The following ZNF135 variants were observed in gnomAD, a reference collection of about 807,000 sequenced individuals.
ZNF135 encodes zinc finger protein 135, also known as zinc finger protein 135 (clone pHZ-17).
ZNF135 carries 11 observed loss-of-function variants against 12.3 expected under a neutral mutation model. The observed-to-expected ratio is 0.89, with a 90% CI of 0.56 to 1.48. The LOEUF is 1.48. ZNF135 is among the 40% of genes most tolerant of loss of function. The pLI is 0.00. For missense variants in ZNF135, 722 were observed against 815.7 expected (o/e 0.89, Z 1.40); for synonymous variants, 316 against 312.0 (o/e 1.01, Z -0.14).
At position 58,067,814 on chromosome 19, in the gene ZNF135, G is replaced by C; in HGVS notation, c.1330G>C (p.Gly444Arg). The change falls in exon 5 of 5, where the codon GGG becomes CGG. Residue 444 changes from glycine (G) to arginine (R), a missense_variant. Transcript: ENST00000313434. ...GAAGCCCTATGGATGCAACGAGTGT[G>C]GGAAAACCTTCAGCCACAGCTCCTC... ...GEKPYGCNEC[G>R]KTFSHSSSLS... 6.2e-7 allele frequency: 1 copy of C among 1,613,824 alleles called. No individual in the cohort carries two copies. The highest frequency in any genetic ancestry group is 8.5e-7 in the Non-Finnish European group (1 of 1,179,976).
At position 58,059,885 on chromosome 19, in the gene ZNF135, C is replaced by A; in HGVS notation, c.-34-84C>A. Reference sequence around the variant, plus strand: ...CCCTGGACGGCTCTCCGCGGAGCTCCCCAGGCTCTGGCGCAGTTCCCCGGC... The same window carrying A: ...CCCTGGACGGCTCTCCGCGGAGCTCACCAGGCTCTGGCGCAGTTCCCCGGC... On this transcript the variant is annotated intron_variant, in intron 1 of 4. Coordinates refer to ENST00000313434, the MANE Select transcript of ZNF135 (RefSeq NM_001289401.2). The surrounding 1 kb of genome is among the most constrained non-coding windows in gnomAD (Gnocchi z 6.5). 6.5e-7 allele frequency: 1 copy of A among 1,541,840 alleles called. No homozygotes were observed.
chr19:58,062,890 T>C (rs2074005315), intron 3 of ZNF135, among the ~76,000 whole-genome samples: 1 of 151,866 alleles, frequency 6.6e-6, no homozygotes, highest in Non-Finnish European at 1.5e-5. Flanking sequence ...GGGTCCTTGC[T>C]GTGTTGCCCA....
At chr19:58,064,432 C>G (rs11672379) in intron 4 of ZNF135, among the ~76,000 whole-genome samples, 41,256 of 151,990 alleles carry the variant, frequency 0.27, 5,635 homozygotes, top group African/African-American at 0.28. Context: ...ACTCCTCAGC[C>G]TACTCACTGT....
intron 4 of ZNF135, among the ~76,000 whole-genome samples, chr19:58,064,148 G>T (rs1229848232): frequency 2.0e-5 from 3 of 152,196 alleles, no homozygotes; most frequent in Admixed American, 2.0e-4. Context: ...AGGTATCCCA[G>T]CCCACTGACA....
In ZNF135 at chr19:58,060,155, T is replaced by C; in HGVS notation, c.33+120T>C. ...TCCCTACTCGCGCTCAGCCTCCTCC[T>C]TGTGCCCGGCCCCTACTTGCGTGCC... On this transcript the variant is annotated intron_variant, in intron 2 of 4. Transcript: ENST00000313434. This position sits in a 1 kb window ranked among gnomAD's most constrained non-coding sequence, Gnocchi z 4.9. 1 of 1,559,136 alleles carries C rather than the reference T, an allele frequency of 6.4e-7. No individual in the cohort carries two copies. The highest frequency in any genetic ancestry group is 8.6e-7 in the Non-Finnish European group (1 of 1,158,900).
rs552908818 is a variant in ZNF135, at chr19:58,061,696, G to C, written c.150G>C (p.Leu50=). Residue 50 remains leucine (L), a synonymous_variant, in exon 3 of 5, where the codon CTG becomes CTC. Transcript: ENST00000313434. The part of the protein sequence containing the change: ...RDVMLDTFRL[L]VSVGHWLPKP... The stretch of plus-strand genomic sequence containing the variant: ...TAATGCTGGACACCTTCAGGCTTCT[G>C]GTCTCTGTGGGTAAGGCCACACCCA... 1 of 1,612,462 alleles carries C rather than the reference G, an allele frequency of 6.2e-7. No homozygotes were observed.
In ZNF135 at chr19:58,065,765, G is replaced by A. The variant is rs945157569; in HGVS notation, c.257-976G>A. ...TAATTGGAAACATACAGGTTATAGGGTTAGGATGTGGGCATCTTGGGAAGC... is the reference window on the plus strand; with the variant it reads ...TAATTGGAAACATACAGGTTATAGGATTAGGATGTGGGCATCTTGGGAAGC... On this transcript the variant is annotated intron_variant, in intron 4 of 4. Coordinates refer to ENST00000313434, the MANE Select transcript of ZNF135 (RefSeq NM_001289401.2). This position sits in a 1 kb window ranked among gnomAD's most constrained non-coding sequence, Gnocchi z 4.0. Among the ~76,000 whole-genome samples, 43 of 151,618 alleles carry A rather than the reference G, an allele frequency of 2.8e-4. No individual in the cohort carries two copies. The highest frequency in any genetic ancestry group is 9.8e-4 in the Admixed American group (15 of 15,248).
chr19:58,063,569 A>T lies in ZNF135; in HGVS notation c.256+28A>T, dbSNP rs1208447488. 1.9e-6 allele frequency: 3 copies of T among 1,613,406 alleles called. No individual in the cohort carries two copies. Among genetic ancestry groups the T allele is most frequent in the Non-Finnish European group, 2.5e-6 (3 of 1,179,668 alleles). On this transcript the variant is annotated intron_variant, in intron 4 of 4. Coordinates refer to ENST00000313434, the MANE Select transcript of ZNF135 (RefSeq NM_001289401.2). This position sits in a 1 kb window ranked among gnomAD's most constrained non-coding sequence, Gnocchi z 4.4. The stretch of plus-strand genomic sequence containing the variant: ...GAGATGGGAGCCCTTCGGGGCAGAG[A>T]GAAGCCTGTCCATGCTTGCTTCCTG...
At chr19:58,064,416 CCTCCTA>C (rs1342748880) in intron 4 of ZNF135, among the ~76,000 whole-genome samples, 3 of 152,092 alleles carry the variant, frequency 2.0e-5, no homozygotes, top group Non-Finnish European at 4.4e-5. Context: ...ACCAACCCCT[CCTCCTA>C]CTCCTCAGCC....
At chr19:58,064,201 C>T (rs2074029842) in intron 4 of ZNF135, among the ~76,000 whole-genome samples, 1 of 152,128 alleles carries the variant, frequency 6.6e-6, no homozygotes, top group South Asian at 2.1e-4. Flanking sequence ...TGGCCTGTCA[C>T]CAGAGTCCAG....
rs191346327 is a variant in ZNF135 at position 58,060,301 on chromosome 19, G to C, written c.33+266G>C. On this transcript the variant is annotated intron_variant, in intron 2 of 4. Coordinates refer to ENST00000313434, the MANE Select transcript of ZNF135 (RefSeq NM_001289401.2). This position sits in a 1 kb window ranked among gnomAD's most constrained non-coding sequence, Gnocchi z 4.9. ...CTATTTGCACATCTAGCCTCTACTC[G>C]TGTCCGGCCTCTACCTGCACACCCG... The C allele has an allele frequency of 7.3e-6, 10 of 1,369,478 alleles. No individual in the cohort carries two copies. The South Asian group carries it at 1.4e-4, about 19-fold the overall frequency. The allele number at this position is 1,369,478 out of a possible 1,614,324, so 84.8% of individuals were successfully genotyped here. A position where few individuals can be genotyped will look rare whatever the true frequency, so the allele number is the denominator to read the frequency against.
chr19:58,065,647 C>T lies in ZNF135; in HGVS notation c.257-1094C>T, dbSNP rs142043802. Among the ~76,000 whole-genome samples the T allele has an allele frequency of 1.8e-3, 272 of 152,252 alleles. No individual in the cohort carries two copies. The highest frequency in any genetic ancestry group is 6.4e-3 in the African/African-American group (267 of 41,544). On this transcript the variant is annotated intron_variant, in intron 4 of 4. Coordinates refer to ENST00000313434, the MANE Select transcript of ZNF135 (RefSeq NM_001289401.2). This position sits in a 1 kb window ranked among gnomAD's most constrained non-coding sequence, Gnocchi z 4.0. ...TCTGCCTTTTTTCCCCATTTAAGGACCCTCGTGATTACACAGGTCCACCCA... is the reference window on the plus strand; with the variant it reads ...TCTGCCTTTTTTCCCCATTTAAGGATCCTCGTGATTACACAGGTCCACCCA...
rs557511826 is a variant in ZNF135 at position 58,063,014 on chromosome 19, T to A, written c.161-432T>A. Among the ~76,000 whole-genome samples, 20 of 152,276 alleles carry A rather than the reference T, an allele frequency of 1.3e-4. No individual in the cohort carries two copies. In the South Asian group the frequency reaches 3.9e-3, roughly 30 times the overall value. ...CCTGAATTTTAGGGGGACACCAACA[T>A]TCAGACCATAGCAATCTCTTTCTGG... On this transcript the variant is annotated intron_variant, in intron 3 of 4. Coordinates refer to ENST00000313434, the MANE Select transcript of ZNF135 (RefSeq NM_001289401.2). The surrounding 1 kb of genome is among the most constrained non-coding windows in gnomAD (Gnocchi z 4.4).
At chr19:58,061,111 A>G (rs992516855) in intron 2 of ZNF135, among the ~76,000 whole-genome samples, 3 of 142,944 alleles carry the variant, frequency 2.1e-5, no homozygotes, top group Non-Finnish European at 4.6e-5. Context: ...CTGGGCGACA[A>G]AGCGAGACTC....
At chr19:58,066,052 G>C (rs1033953328) in intron 4 of ZNF135, among the ~76,000 whole-genome samples, 5 of 152,178 alleles carry the variant, frequency 3.3e-5, no homozygotes, top group African/African-American at 1.2e-4. Context: ...GTGGGCTATA[G>C]ATACAGTGGT....
intron 3 of ZNF135, among the ~76,000 whole-genome samples, chr19:58,062,231 T>C (rs1599922999): frequency 6.6e-6 from 1 of 152,198 alleles, no homozygotes; most frequent in Non-Finnish European, 1.5e-5. Flanking sequence ...AAGGGAGTTA[T>C]CTCAAGCTTC....
Position 58,063,526 on chromosome 19 carries a change from C to A in ZNF135, c.241C>A (p.Gln81Lys). The A allele has an allele frequency of 6.2e-7, 1 of 1,614,110 alleles. No homozygotes were observed. Among genetic ancestry groups the A allele is most frequent in the South Asian group, 1.1e-5 (1 of 91,086 alleles). Residue 81 changes from glutamine to lysine, a missense_variant, in exon 4 of 5, where the codon CAA becomes AAA. Gln to Lys is a moderately conservative substitution (Grantham distance 53). Coordinates refer to ENST00000313434, the MANE Select transcript of ZNF135 (RefSeq NM_001289401.2). The surrounding 1 kb of genome is among the most constrained non-coding windows in gnomAD (Gnocchi z 4.4). ...ELWAVESRLPQGVYPDLETRP... is the reference protein window; with the variant it reads ...ELWAVESRLPKGVYPDLETRP... ...GTGGGCGGTGGAGTCTAGACTTCCC[C>A]AAGGCGTGTACCCAGGTGAGATGGG...
In ZNF135 at chr19:58,061,474, C is replaced by T. The variant is rs957505712; in HGVS notation, c.34-106C>T. ...GAAAAACCTGACCCAAAACCCCAGA[C>T]CAAAGGGAACTCCATCCGACCCAGC... On this transcript the variant is annotated intron_variant, in intron 2 of 4. Coordinates refer to ENST00000313434, the MANE Select transcript of ZNF135 (RefSeq NM_001289401.2). 21 of 1,447,954 alleles carry T rather than the reference C, an allele frequency of 1.5e-5. No individual in the cohort carries two copies. The African/African-American group carries it at 2.7e-4, about 19-fold the overall frequency. 89.7% of individuals were successfully genotyped at this position (1,447,954 alleles called of 1,614,324 possible). A position where few individuals can be genotyped will look rare whatever the true frequency, so the allele number is the denominator to read the frequency against.
chr19:58,066,860 G>A lies in ZNF135; in HGVS notation c.376G>A (p.Gly126Ser). The A allele has an allele frequency of 6.2e-7, 1 of 1,614,208 alleles. No individual in the cohort carries two copies. Among genetic ancestry groups the A allele is most frequent in the Non-Finnish European group, 8.5e-7 (1 of 1,180,042 alleles). Reference sequence around the variant, plus strand: ...GTGGGATGGTCTGTGGTACTGCAGGGGTGAGGACACTGAGGGCCACTGGGA... The same window carrying A: ...GTGGGATGGTCTGTGGTACTGCAGGAGTGAGGACACTGAGGGCCACTGGGA... ...FLWDGLWYCR[G>S]EDTEGHWEWS... Residue 126 changes from glycine to serine, a missense_variant, in exon 5 of 5, where the codon GGT becomes AGT. Physicochemically the swap from Gly to Ser is moderately conservative, Grantham distance 56. Transcript: ENST00000313434.
Sources: allele counts gnomAD v4.1 joint callset (sites outside exome capture counted in the v4.1 genomes callset), GRCh38; gene constraint gnomAD v4.1.1; non-coding constraint Gnocchi (gnomAD v3.1); transcripts MANE v1.5; gene names NCBI Gene and HGNC (gene_info 2026-07-23, HGNC 2026-07-21).